TRPV5: variants seen among roughly 807,000 people sequenced by gnomAD.
TRPV5 encodes calcium transport protein 2.
In TRPV5, 66 loss-of-function variants were observed where a neutral mutation model predicts 74.1. That is an observed-to-expected ratio of 0.89 (90% CI 0.73 to 1.09). The LOEUF (loss-of-function observed/expected upper bound fraction) is 1.09. Ranked by LOEUF, TRPV5 falls within the 50% of genes least tolerant of loss-of-function variation. TRPV5 has a pLI of 0.00. For missense variants in TRPV5, 936 were observed against 930.4 expected, an observed-to-expected ratio of 1.01 and a Z score of -0.08; for synonymous variants, 399 against 360.7, an observed-to-expected ratio of 1.11 and a Z score of -1.20.
At chr7:142,928,287 G>A in intron 6 of TRPV5, 53 bp from the exon 7 acceptor site, 2 of 1,602,374 alleles carry the variant, frequency 1.2e-6, no homozygotes, top group Non-Finnish European at 1.7e-6. Flanking sequence ...AGGTGGTCGA[G>A]GAGAACAACT....
intron 8 of TRPV5, 81 bp from the exon 9 acceptor site, chr7:142,915,649 GCC>G (rs1795784004): frequency 7.1e-7 from 1 of 1,415,184 alleles, no homozygotes; most frequent in African/African-American, 1.4e-5. Context: ...AGCTGCTAAA[GCC>G]CATCCAAAAT....
chr7:142,923,628 C>T (rs1445910820), intron 8 of TRPV5, among the ~76,000 whole-genome samples: 1 of 151,710 alleles, frequency 6.6e-6, no homozygotes, highest in Non-Finnish European at 1.5e-5. Flanking sequence ...AAGCAGAAGG[C>T]AGAAAGGGTA....
intron 7 of TRPV5, 28 bp from the exon 8 acceptor site, chr7:142,925,769 G>C: frequency 1.9e-6 from 3 of 1,599,338 alleles, no homozygotes; most frequent in Non-Finnish European, 1.7e-6. Flanking sequence ...TGAAACTTGG[G>C]GTGACCAACA....
chr7:142,916,836 CTG>C (rs1470413898), intron 8 of TRPV5, among the ~76,000 whole-genome samples: 1 of 150,680 alleles, frequency 6.6e-6, no homozygotes, highest in Non-Finnish European at 1.5e-5. Context: ...AAGCTTCTGT[CTG>C]TGTGTCTGGA....
At position 142,915,496 on chromosome 7, in the gene TRPV5, T is replaced by C. The variant is rs1009268592; in HGVS notation, c.1195A>G (p.Ile399Val). Residue 399 changes from isoleucine to valine, a missense_variant, in exon 9 of 15, where the codon ATC (isoleucine) becomes GTC (valine). Physicochemically the swap from Ile to Val is conservative, Grantham distance 29 (BLOSUM62 3). Coordinates refer to ENST00000265310, the MANE Select transcript of TRPV5 (RefSeq NM_019841.7). ...CTGCCCCTCACCTCTAGGAGCAGGA[T>C]GATCACAGCCCCAACGATGCTCACC... The part of the protein sequence containing the change: ...ELVSIVGAVI[I>V]LLLEIPDIFR... The C allele has an allele frequency of 1.8e-5, 29 of 1,614,044 alleles. No homozygotes were observed. Among genetic ancestry groups the C allele is most frequent in the African/African-American group, 2.7e-5 (2 of 74,918 alleles).
chr7:142,925,529 C>A lies in TRPV5; in HGVS notation c.1122G>T (p.Gln374His). ...CTCATCCCCTTCTGAGGAGAATCAC[C>A]TGTAGTAGTTTTTGCTGGAGGATGG... ...DITILQQKLLQEAYETREDII... is the reference protein window; with the variant it reads ...DITILQQKLLHEAYETREDII... The change falls in exon 8 of 15, where the codon CAG (glutamine) becomes CAT (histidine). Residue 374 changes from glutamine to histidine, a missense_variant and splice_region_variant. Coordinates refer to ENST00000265310, the MANE Select transcript of TRPV5 (RefSeq NM_019841.7). 3.1e-6 allele frequency: 5 copies of A among 1,614,164 alleles called. No homozygotes were observed. Among genetic ancestry groups the A allele is most frequent in the Non-Finnish European group, 4.2e-6 (5 of 1,180,034 alleles).
chr7:142,920,537 A>G (rs1162721099), intron 8 of TRPV5, among the ~76,000 whole-genome samples: 1 of 152,160 alleles, frequency 6.6e-6, no homozygotes, highest in African/African-American at 2.4e-5. Flanking sequence ...TGGCTAGCCA[A>G]TAGAGAAGAC....
Position 142,919,742 on chromosome 7 carries a change from A to G in TRPV5, c.1123-4174T>C, listed in dbSNP as rs942020809. On this transcript the variant is annotated intron_variant, in intron 8 of 14. Transcript: ENST00000265310. ...TCTCACTTCCCAGCCAGCTGAGTTC[A>G]TTGCCTGGAAGGAAATGCCCAGAAG... Among the ~76,000 whole-genome samples the G allele has an allele frequency of 3.9e-5, 6 of 152,276 alleles. No homozygotes were observed. The East Asian group carries it at 1.2e-3, about 29-fold the overall frequency.
Position 142,933,451 on chromosome 7 carries a change from A to G in TRPV5, c.9T>C (p.Gly3=), listed in dbSNP as rs149773774. 4.5e-5 allele frequency: 72 copies of G among 1,612,828 alleles called. No individual in the cohort carries two copies. In the African/African-American group the frequency reaches 7.6e-4, roughly 17 times the overall value. Residue 3 remains glycine (G), a synonymous_variant, in exon 1 of 15, where the codon GGT becomes GGC. Transcript: ENST00000265310. ...CGGGCCCTTCTGCCTTAGGTAGAAA[A>G]CCCCCCATGTCTTCTCCTTGCAGAC... MG[G]FLPKAEGPGS...
intron 4 of TRPV5, 50 bp from the exon 5 acceptor site, chr7:142,929,170 G>A: frequency 1.3e-6 from 2 of 1,595,604 alleles, no homozygotes; most frequent in Admixed American, 1.8e-5. Flanking sequence ...TGGCAGGATG[G>A]GGTGGGCAGT....
chr7:142,929,585 C>A lies in TRPV5; in HGVS notation c.350-20G>T, dbSNP rs759264693. ...TCTGACCTGGCCCAGAGACAGCCAT[C>A]ATCAGGGTCTCCCTCTGTCCCCAGT... On this transcript the variant is annotated intron_variant, in intron 3 of 14. Coordinates refer to ENST00000265310, the MANE Select transcript of TRPV5 (RefSeq NM_019841.7). 7 of 1,609,760 alleles carry A rather than the reference C, an allele frequency of 4.3e-6. No individual in the cohort carries two copies. In the Admixed American group the frequency reaches 1.2e-4, roughly 27 times the overall value.
At chr7:142,931,017 A>ATTTTTT (rs35738386) in intron 1 of TRPV5, among the ~76,000 whole-genome samples, 9 of 100,306 alleles carry the variant, frequency 9.0e-5, no homozygotes, top group Admixed American at 1.3e-4. Flanking sequence ...CCCTCAGGCT[A>ATTTTTT]TTTTTTTTTT....
intron 7 of TRPV5, among the ~76,000 whole-genome samples, chr7:142,926,553 C>G (rs572796623): frequency 1.3e-5 from 2 of 152,172 alleles, no homozygotes; most frequent in South Asian, 4.1e-4. Context: ...GGGCAGGAAG[C>G]TGAAGGATCC....
At chr7:142,915,118 C>G in intron 10 of TRPV5, 72 bp from the exon 11 acceptor site, 1 of 1,571,644 alleles carries the variant, frequency 6.4e-7, no homozygotes, top group Non-Finnish European at 8.7e-7. Flanking sequence ...TAGTGGTGAC[C>G]GGGGTGGTAT....
chr7:142,925,223 C>A, intron 8 of TRPV5: 1 of 561,306 alleles, frequency 1.8e-6, no homozygotes, highest in South Asian at 2.4e-5. Flanking sequence ...CTTGAACATC[C>A]CACTAAAAAA....
chr7:142,915,445 T>A, intron 9 of TRPV5, 37 bp downstream of exon 9: 2 of 1,611,882 alleles, frequency 1.2e-6, no homozygotes, highest in Non-Finnish European at 1.7e-6. Flanking sequence ...GGGCCTTAGA[T>A]GGGATGGGAT....
rs772137831 is a variant in TRPV5, at chr7:142,914,972, A to G, written c.1361T>C (p.Met454Thr). The G allele has an allele frequency of 1.9e-6, 3 of 1,614,098 alleles. No individual in the cohort carries two copies. The highest frequency in any genetic ancestry group is 2.5e-6 in the Non-Finnish European group (3 of 1,180,016). The change falls in exon 11 of 15, where the codon ATG becomes ACG. Residue 454 changes from methionine to threonine, a missense_variant. By Grantham distance (81) the Met-to-Thr change is moderately conservative. Coordinates refer to ENST00000265310, the MANE Select transcript of TRPV5 (RefSeq NM_019841.7). ...CCAGCCCAGCACCAGGGCAAAGGAC[A>G]TGGGCACCACCTCCCCATTGGTGTT... The part of the protein sequence containing the change: ...LTNTNGEVVP[M>T]SFALVLGWCS...
chr7:142,917,355 A>T (rs1795820095), intron 8 of TRPV5, among the ~76,000 whole-genome samples: 1 of 152,188 alleles, frequency 6.6e-6, no homozygotes. Flanking sequence ...ATGTGTCTAT[A>T]AAAATATTTT....
chr7:142,930,377 C>T lies in TRPV5; in HGVS notation c.198G>A (p.Leu66=), dbSNP rs1199300066. The T allele has an allele frequency of 6.2e-7, 1 of 1,614,030 alleles. No individual in the cohort carries two copies. Among genetic ancestry groups the T allele is most frequent in the East Asian group, 2.2e-5 (1 of 44,896 alleles). ...TTTGTCGAACGTCACAGGTGCAGTC[C>T]AGTAGAAGTTGCCTAAGAACAGACA... The part of the protein sequence containing the change: ...NDLSVLRQLL[L]DCTCDVRQRG... The change falls in exon 2 of 15, where the codon CTG becomes CTA. Residue 66 remains leucine (L), a synonymous_variant. Transcript: ENST00000265310.
Sources: gnomAD v4.1 joint callset for allele counts (sites outside exome capture counted in the v4.1 genomes callset) on GRCh38, gnomAD v4.1.1 for gene constraint, MANE v1.5 for transcripts, NCBI Gene and HGNC (gene_info 2026-07-23, HGNC 2026-07-21) for gene names.